The following STXBP5L variants were observed in gnomAD, a reference collection of about 807,000 sequenced individuals.
The protein encoded by STXBP5L is syntaxin-binding protein 5-like.
In STXBP5L, 65 loss-of-function variants were observed where a neutral mutation model predicts 144.5. That is an observed-to-expected ratio of 0.45 (90% CI 0.37 to 0.55). The LOEUF (loss-of-function observed/expected upper bound fraction) is 0.55, where lower values mean the gene tolerates loss of function less well. Ranked by LOEUF, STXBP5L falls within the 20% of genes least tolerant of loss-of-function variation. STXBP5L has a pLI of 0.00. For synonymous variants in STXBP5L, 505 were observed against 469.6 expected (o/e 1.08, Z -0.97); for missense variants, 1,298 against 1,405.5 (o/e 0.92, Z 1.22).
At chr3:121,308,114 GGGGA>G (rs1184240395) in intron 19 of STXBP5L, among the ~76,000 whole-genome samples, 1 of 152,152 alleles carries the variant, frequency 6.6e-6, no homozygotes, top group East Asian at 1.9e-4. Context: ...GTTGGAGCAG[GGGGA>G]GGGAGAGCAT....
At chr3:120,910,601 T>C (rs1708780623) in intron 2 of STXBP5L, among the ~76,000 whole-genome samples, 1 of 152,116 alleles carries the variant, frequency 6.6e-6, no homozygotes. Context: ...ATGAATATAG[T>C]TTTGTAAATG....
intron 5 of STXBP5L, among the ~76,000 whole-genome samples, chr3:121,098,660 C>T (rs534360286): frequency 1.3e-5 from 2 of 152,236 alleles, no homozygotes; most frequent in African/African-American, 4.8e-5. Context: ...GAATGGAATG[C>T]TAAAGTTCAA....
Position 121,091,177 on chromosome 3 carries a change from A to G in STXBP5L, c.471-23748A>G, listed in dbSNP as rs560924570. Among the ~76,000 whole-genome samples, 55 of 147,494 alleles carry G rather than the reference A, an allele frequency of 3.7e-4. 4 individuals carry two copies. The highest frequency in any genetic ancestry group is 6.6e-4 in the Non-Finnish European group (45 of 67,768). On this transcript the variant is annotated intron_variant, in intron 5 of 26. Transcript: ENST00000471454. ...CCACATTTTCTTAATCCAGTCTATC[A>G]TTGATGGACATTTGGATTGGTTCCA... is the stretch of plus-strand genomic sequence containing the variant.
intron 25 of STXBP5L, among the ~76,000 whole-genome samples, chr3:121,417,117 C>A (rs767979518): frequency 1.3e-5 from 2 of 152,086 alleles, no homozygotes; most frequent in African/African-American, 4.8e-5. Flanking sequence ...CTAGAATGGG[C>A]AAATTCAGAA....
At chr3:120,992,512 A>AT (rs907130730) in intron 3 of STXBP5L, among the ~76,000 whole-genome samples, 43 of 151,784 alleles carry the variant, frequency 2.8e-4, no homozygotes, top group African/African-American at 9.2e-4. Context: ...CATGAGATCA[A>AT]TTTTTTTTAT....
chr3:121,125,204 C>G (rs1209414972), intron 7 of STXBP5L, among the ~76,000 whole-genome samples: 29 of 152,078 alleles, frequency 1.9e-4, no homozygotes, highest in Admixed American at 1.9e-3. Flanking sequence ...CGCAGTGGCT[C>G]ACACCTGTAA....
chr3:121,086,174 A>C (rs1022570546), intron 5 of STXBP5L, among the ~76,000 whole-genome samples: 4 of 152,170 alleles, frequency 2.6e-5, no homozygotes, highest in African/African-American at 9.6e-5. Context: ...AGATGGATTA[A>C]AGACTTTTTT....
chr3:121,071,342 C>T (rs2041803843), intron 5 of STXBP5L, among the ~76,000 whole-genome samples: 1 of 152,230 alleles, frequency 6.6e-6, no homozygotes, highest in South Asian at 2.1e-4. Flanking sequence ...CATGCATAGA[C>T]TAGTCAGATT....
chr3:121,398,076 T>G (rs1438947115), intron 22 of STXBP5L, among the ~76,000 whole-genome samples: 1 of 152,232 alleles, frequency 6.6e-6, no homozygotes, highest in Non-Finnish European at 1.5e-5. Context: ...TCGTTTAATT[T>G]TACTTTTTCC....
At chr3:121,017,526 A>T (rs1292394892) in intron 3 of STXBP5L, among the ~76,000 whole-genome samples, 1 of 152,232 alleles carries the variant, frequency 6.6e-6, no homozygotes, top group Non-Finnish European at 1.5e-5. Flanking sequence ...TTACATGATT[A>T]TGTAGCACAT....
chr3:120,992,079 G>A (rs1942946985), intron 3 of STXBP5L, among the ~76,000 whole-genome samples: 1 of 151,936 alleles, frequency 6.6e-6, no homozygotes, highest in Admixed American at 6.6e-5. Context: ...ATGATTTATT[G>A]TAGAGAACAT....
At chr3:121,101,173 G>T (rs2043403720) in intron 5 of STXBP5L, among the ~76,000 whole-genome samples, 1 of 151,940 alleles carries the variant, frequency 6.6e-6, no homozygotes. Context: ...TACAAAGAAA[G>T]CTGGTTCCAG....
chr3:121,152,541 T>C lies in STXBP5L; in HGVS notation c.734T>C (p.Leu245Pro). 2 of 1,606,958 alleles carry C rather than the reference T, an allele frequency of 1.2e-6. No individual in the cohort carries two copies. The highest frequency in any genetic ancestry group is 1.7e-6 in the Non-Finnish European group (2 of 1,176,316). ...GACTTGAAATCTAAAAGAGCAGAAC[T>C]GAGAGTTTATTATGATGAGGTAAGT... ...FWDLKSKRAELRVYYDEAIHS... is the reference protein window; with the variant it reads ...FWDLKSKRAEPRVYYDEAIHS... Residue 245 changes from leucine (L) to proline (P), a missense_variant, in exon 8 of 27, where the codon CTG (leucine) becomes CCG (proline). Coordinates refer to ENST00000471454, the MANE Select transcript of STXBP5L (RefSeq NM_001308330.2).
intron 3 of STXBP5L, among the ~76,000 whole-genome samples, chr3:121,035,572 CTA>C (rs1367000223): frequency 1.3e-5 from 2 of 152,032 alleles, no homozygotes; most frequent in African/African-American, 2.4e-5. Flanking sequence ...AGATATGTGT[CTA>C]TTTTTATATC....
intron 3 of STXBP5L, among the ~76,000 whole-genome samples, chr3:120,973,212 T>A (rs1363930039): frequency 6.6e-6 from 1 of 152,130 alleles, no homozygotes; most frequent in East Asian, 1.9e-4. Flanking sequence ...GCTTTTATTT[T>A]CGTAGGAGAT....
At chr3:121,086,576 G>A (rs573181422) in intron 5 of STXBP5L, among the ~76,000 whole-genome samples, 1 of 152,168 alleles carries the variant, frequency 6.6e-6, no homozygotes, top group African/African-American at 2.4e-5. Context: ...TATACAAGTT[G>A]TGCATTCCTT....
chr3:120,938,416 G>A (rs948378407), intron 2 of STXBP5L, among the ~76,000 whole-genome samples: 25 of 151,946 alleles, frequency 1.6e-4, no homozygotes, highest in African/African-American at 6.0e-4. Flanking sequence ...TTCTTCCTTG[G>A]GATAAATTCC....
intron 3 of STXBP5L, among the ~76,000 whole-genome samples, chr3:121,017,923 C>T (rs972520666): frequency 6.6e-6 from 1 of 151,758 alleles, no homozygotes; most frequent in Non-Finnish European, 1.5e-5. Context: ...TAAACAAAAC[C>T]AAAAAAATAG....
At chr3:121,195,371 T>G (rs2047878979) in intron 9 of STXBP5L, among the ~76,000 whole-genome samples, 1 of 152,174 alleles carries the variant, frequency 6.6e-6, no homozygotes, top group Non-Finnish European at 1.5e-5. Context: ...ATTTAAGGTA[T>G]ACAACTCAAT....
Sources: gnomAD v4.1 joint callset for allele counts (sites outside exome capture counted in the v4.1 genomes callset) on GRCh38, gnomAD v4.1.1 for gene constraint, MANE v1.5 for transcripts, NCBI Gene and HGNC (gene_info 2026-07-23, HGNC 2026-07-21) for gene names.